Variants in PPP1R2 observed in about 807,000 individuals in gnomAD.
PPP1R2 encodes the protein protein phosphatase 1 regulatory inhibitor subunit 2.
In PPP1R2, 16 loss-of-function variants were observed where a neutral mutation model predicts 29.9. That is an observed-to-expected ratio of 0.53 (90% CI 0.36 to 0.81). The LOEUF (loss-of-function observed/expected upper bound fraction) is 0.81. Among genes scored for constraint, PPP1R2 ranks in the 30% least tolerant of loss-of-function variants. PPP1R2 has a pLI of 0.00. For missense variants in PPP1R2, 197 were observed against 252.7 expected (o/e 0.78, Z 1.49); for synonymous variants, 76 against 91.5 (o/e 0.83, Z 0.96).
At chr3:195,541,887 C>T (rs1340649168) in intron 1 of PPP1R2, among the ~76,000 whole-genome samples, 1 of 152,164 alleles carries the variant, frequency 6.6e-6, no homozygotes, top group East Asian at 1.9e-4. Flanking sequence ...CTAAAATTTA[C>T]CACCACCAAG....
intron 5 of PPP1R2, among the ~76,000 whole-genome samples, chr3:195,517,746 G>C (rs1314348781): frequency 6.6e-6 from 1 of 151,880 alleles, no homozygotes; most frequent in African/African-American, 2.4e-5. Flanking sequence ...AAATAAAAAT[G>C]GATAATAAAA....
At chr3:195,520,588 G>C (rs1429256784) in intron 4 of PPP1R2, among the ~76,000 whole-genome samples, 2 of 152,154 alleles carry the variant, frequency 1.3e-5, no homozygotes, top group African/African-American at 4.8e-5. Flanking sequence ...CTCCAGCCTG[G>C]GTTGACAAGT....
intron 1 of PPP1R2, among the ~76,000 whole-genome samples, chr3:195,541,233 G>A (rs752894639): frequency 8.5e-4 from 129 of 152,068 alleles, no homozygotes; most frequent in Non-Finnish European, 1.7e-3. Context: ...TTGGGCCCAC[G>A]GGAAATTACA....
At position 195,542,997 on chromosome 3, in the gene PPP1R2, G is replaced by A. The variant is rs1481679342; in HGVS notation, c.29C>T (p.Pro10Leu). Reference protein sequence around the residue: MAASTASHRPIKGILKNKTS... With the variant: MAASTASHRLIKGILKNKTS... ...CTTGTTCTTCAAGATCCCCTTGATG[G>A]GCCGGTGCGAGGCCGTCGAGGCCGC... The change falls in exon 1 of 6, where the codon CCC (proline) becomes CTC (leucine). Residue 10 changes from proline (P) to leucine (L), a missense_variant. This residue lies in a region of PPP1R2 where 54 missense variants were observed against 60.6 expected (regional missense o/e 0.89). Coordinates refer to ENST00000618156, the MANE Select transcript of PPP1R2 (RefSeq NM_006241.8). The A allele has an allele frequency of 1.2e-6, 2 of 1,601,728 alleles. No homozygotes were observed. The highest frequency in any genetic ancestry group is 1.7e-6 in the Non-Finnish European group (2 of 1,174,646).
At chr3:195,524,678 A>C in intron 3 of PPP1R2, 141 bp downstream of exon 3, 1 of 717,808 alleles carries the variant, frequency 1.4e-6, no homozygotes, top group South Asian at 2.0e-5. Context: ...GGGGGAAAAA[A>C]GGAAAAAAAA....
chr3:195,517,277 C>T (rs1718580852), intron 5 of PPP1R2, among the ~76,000 whole-genome samples: 1 of 151,908 alleles, frequency 6.6e-6, no homozygotes, highest in African/African-American at 2.4e-5. Context: ...TAAAATATCA[C>T]CTAAGAGTCC....
intron 2 of PPP1R2, chr3:195,528,981 C>T (rs1719085308): frequency 6.6e-6 from 1 of 151,672 alleles, no homozygotes; most frequent in Non-Finnish European, 1.5e-5. Flanking sequence ...ATTCTCCTGC[C>T]TCAGCCTCCC....
intron 1 of PPP1R2, among the ~76,000 whole-genome samples, chr3:195,532,217 T>TTTC (rs199661118): frequency 4.0e-5 from 5 of 125,066 alleles, no homozygotes; most frequent in African/African-American, 6.5e-5. Context: ...TTCTTTTTCT[T>TTTC]TTTTTTTTTT....
chr3:195,537,481 T>TTTCGTGTGTGTGTGTGTGTG (rs150119072), intron 1 of PPP1R2, among the ~76,000 whole-genome samples: 1 of 128,516 alleles, frequency 7.8e-6, no homozygotes, highest in Non-Finnish European at 1.6e-5. Context: ...GGATTAGCTA[T>TTTCGTGTGTGTGTGTGTGTG]TGTGTGTGTG....
intron 1 of PPP1R2, among the ~76,000 whole-genome samples, chr3:195,537,086 AATATGT>A (rs1335916803): frequency 1.3e-5 from 2 of 151,962 alleles, no homozygotes; most frequent in Non-Finnish European, 2.9e-5. Context: ...AATACATATA[AATATGT>A]ATAAGCTATC....
At chr3:195,520,834 CT>C (rs1370376229) in intron 4 of PPP1R2, among the ~76,000 whole-genome samples, 2 of 151,700 alleles carry the variant, frequency 1.3e-5, no homozygotes, top group Non-Finnish European at 2.9e-5. Flanking sequence ...AGTACTTTCT[CT>C]TTGTTTGATT....
intron 1 of PPP1R2, among the ~76,000 whole-genome samples, chr3:195,538,807 A>G (rs909266137): frequency 2.0e-5 from 3 of 152,246 alleles, no homozygotes; most frequent in Admixed American, 6.5e-5. Context: ...TTTGAGGGTA[A>G]GGCACTGGGT....
At chr3:195,535,491 T>C (rs1719345020) in intron 1 of PPP1R2, among the ~76,000 whole-genome samples, 6 of 152,222 alleles carry the variant, frequency 3.9e-5, no homozygotes, top group Admixed American at 3.9e-4. Context: ...CTTCACGGGA[T>C]TTACGACAGT....
intron 1 of PPP1R2, among the ~76,000 whole-genome samples, chr3:195,541,451 T>G (rs2108957031): frequency 7.5e-6 from 1 of 134,028 alleles, no homozygotes; most frequent in African/African-American, 2.9e-5. Flanking sequence ...TTTTCTTTTC[T>G]TTCCTTTTTT....
At chr3:195,524,087 CAA>C (rs552931240) in intron 3 of PPP1R2, among the ~76,000 whole-genome samples, 10 of 125,504 alleles carry the variant, frequency 8.0e-5, no homozygotes, top group Non-Finnish European at 6.8e-5. Context: ...GGCCCTGTCT[CAA>C]AAAAAAAAAA....
intron 1 of PPP1R2, among the ~76,000 whole-genome samples, chr3:195,536,845 TA>T (rs945061347): frequency 7.4e-6 from 1 of 134,414 alleles, no homozygotes; most frequent in Admixed American, 7.3e-5. Flanking sequence ...TTGCTTAGGA[TA>T]AAAAAAAGAA....
intron 3 of PPP1R2, among the ~76,000 whole-genome samples, chr3:195,524,247 C>T (rs1324492846): frequency 2.0e-5 from 3 of 152,172 alleles, no homozygotes; most frequent in Non-Finnish European, 2.9e-5. Context: ...AGGGGCCAGG[C>T]GCGGTGGTTC....
chr3:195,524,240 G>C (rs559352467), intron 3 of PPP1R2, among the ~76,000 whole-genome samples: 2 of 152,294 alleles, frequency 1.3e-5, no homozygotes, highest in South Asian at 4.1e-4. Flanking sequence ...AGGAAGCAGG[G>C]GCCAGGCGCG....
At chr3:195,540,963 T>C (rs1254780884) in intron 1 of PPP1R2, among the ~76,000 whole-genome samples, 1 of 152,230 alleles carries the variant, frequency 6.6e-6, no homozygotes, top group Non-Finnish European at 1.5e-5. Context: ...ACAAGGATCA[T>C]TAAAAAACCC....
Sources: gnomAD v4.1 joint callset for allele counts (sites outside exome capture counted in the v4.1 genomes callset) on GRCh38, gnomAD v4.1.1 for gene constraint, gnomAD v4.1.1 regional missense constraint, MANE v1.5 for transcripts, NCBI Gene and HGNC (gene_info 2026-07-23, HGNC 2026-07-21) for gene names.